Variants in GRID1 observed in about 807,000 individuals in gnomAD.
GRID1 encodes the protein glutamate ionotropic receptor delta type subunit 1.
Under a neutral mutation model 98.0 loss-of-function variants are expected in GRID1, and 28 were observed. That is an observed-to-expected ratio of 0.29 (90% CI 0.21 to 0.39). The LOEUF (loss-of-function observed/expected upper bound fraction) is 0.39, where lower values mean the gene tolerates loss of function less well. GRID1 is among the 10% of genes least tolerant of loss of function. The pLI, the probability that GRID1 is intolerant of heterozygous loss-of-function variation, is 1.00. For synonymous variants in GRID1, 553 were observed against 538.5 expected, an observed-to-expected ratio of 1.03 and a Z score of -0.37; for missense variants, 1,111 against 1,340.5, an observed-to-expected ratio of 0.83 and a Z score of 2.67.
rs572591650 is a variant in GRID1, at chr10:86,212,529, G to A, written c.236-5881C>T. Among the ~76,000 whole-genome samples the A allele has an allele frequency of 2.8e-4, 42 of 152,298 alleles. No homozygotes were observed. The East Asian group carries it at 4.3e-3, about 15-fold the overall frequency. ...AAAGAGCCAGGCTCTGGGCAAACCC[G>A]GGCTCAGCCCTGCCTGCCCAGAAGG... On this transcript the variant is annotated intron_variant, in intron 2 of 15. Coordinates refer to ENST00000327946, the MANE Select transcript of GRID1 (RefSeq NM_017551.3).
intron 3 of GRID1, among the ~76,000 whole-genome samples, chr10:86,144,014 C>T (rs763883231): frequency 9.9e-5 from 15 of 152,186 alleles, no homozygotes; most frequent in Non-Finnish European, 1.9e-4. Flanking sequence ...AGCACCCACC[C>T]GTTCCTTCTT....
intron 4 of GRID1, among the ~76,000 whole-genome samples, chr10:85,921,801 C>T (rs751999181): frequency 2.6e-4 from 40 of 152,226 alleles, no homozygotes; most frequent in Admixed American, 1.3e-3. Context: ...TCCCCTTCCT[C>T]TGTGTCCTTG....
At chr10:85,801,645 G>C (rs910709958) in intron 8 of GRID1, among the ~76,000 whole-genome samples, 1 of 151,546 alleles carries the variant, frequency 6.6e-6, no homozygotes, top group African/African-American at 2.4e-5. Context: ...TGGAAAGAAA[G>C]TGCTTTATTT....
intron 4 of GRID1, among the ~76,000 whole-genome samples, chr10:86,094,509 C>T (rs116326178): frequency 0.014 from 2,087 of 152,292 alleles, 56 homozygotes; most frequent in African/African-American, 0.048. Flanking sequence ...TTTCCAGATA[C>T]AAGACTAATG....
intron 5 of GRID1, among the ~76,000 whole-genome samples, chr10:85,897,391 T>TA (rs1841308016): frequency 6.6e-6 from 1 of 152,108 alleles, no homozygotes; most frequent in Non-Finnish European, 1.5e-5. Flanking sequence ...TGGGGATAGG[T>TA]AAAATGGCCT....
intron 3 of GRID1, among the ~76,000 whole-genome samples, chr10:86,176,786 T>G (rs1385935002): frequency 1.3e-5 from 2 of 151,966 alleles, no homozygotes; most frequent in Admixed American, 1.3e-4. Context: ...ATTGTGCCAG[T>G]CTAGGTAAGA....
intron 8 of GRID1, among the ~76,000 whole-genome samples, chr10:85,764,964 G>T (rs1842183558): frequency 6.6e-6 from 1 of 152,180 alleles, no homozygotes. Context: ...AGAGGACAAA[G>T]CAAGTGGTTA....
chr10:86,117,915 A>G (rs549772723), intron 4 of GRID1, among the ~76,000 whole-genome samples: 6 of 152,252 alleles, frequency 3.9e-5, no homozygotes, highest in Non-Finnish European at 8.8e-5. Context: ...AAGAACTAAA[A>G]GTAGATCTAC....
At chr10:86,123,097 G>A (rs1006270843) in intron 4 of GRID1, among the ~76,000 whole-genome samples, 37 of 152,252 alleles carry the variant, frequency 2.4e-4, no homozygotes, top group Admixed American at 2.4e-3. Flanking sequence ...TTGGTTCCGT[G>A]CAATGCCAGG....
At chr10:85,780,739 G>C (rs1482956162) in intron 8 of GRID1, among the ~76,000 whole-genome samples, 2 of 152,292 alleles carry the variant, frequency 1.3e-5, no homozygotes, top group East Asian at 3.9e-4. Flanking sequence ...TGGGATCCTG[G>C]GTGAGCTACG....
At position 86,122,598 on chromosome 10, in the gene GRID1, A is replaced by G. The variant is rs145241917; in HGVS notation, c.726+16221T>C. On this transcript the variant is annotated intron_variant, in intron 4 of 15. Coordinates refer to ENST00000327946, the MANE Select transcript of GRID1 (RefSeq NM_017551.3). ...TAACTTATACAACTTCCCTTTACCT[A>G]TCTTCCTTTGGAAGCTAAAAGTAGC... 1.6e-3 allele frequency among the ~76,000 whole-genome samples: 240 copies of G among 152,302 alleles called. 1 individual carries two copies. The highest frequency in any genetic ancestry group is 5.6e-3 in the African/African-American group (233 of 41,574).
chr10:86,363,922 G>A lies in GRID1; in HGVS notation c.235+19C>T. On this transcript the variant is annotated intron_variant, in intron 2 of 15. Transcript: ENST00000327946. ...CGCAGGCCGTGTCCCAGTGGGCCCTGGGCACAGCGGTCACTCACCTTCCTG... is the reference window on the plus strand; with the variant it reads ...CGCAGGCCGTGTCCCAGTGGGCCCTAGGCACAGCGGTCACTCACCTTCCTG... 1.2e-6 allele frequency: 2 copies of A among 1,610,130 alleles called. No homozygotes were observed. The highest frequency in any genetic ancestry group is 1.7e-6 in the Non-Finnish European group (2 of 1,177,292).
In GRID1 at chr10:85,602,505, T is replaced by G; in HGVS notation, c.2798A>C (p.Glu933Ala). 6.2e-7 allele frequency: 1 copy of G among 1,614,032 alleles called. No homozygotes were observed. The highest frequency in any genetic ancestry group is 8.5e-7 in the Non-Finnish European group (1 of 1,180,004). Residue 933 changes from glutamate (E) to alanine (A), a missense_variant, in exon 16 of 16, where the codon GAG (glutamate) becomes GCG (alanine). By Grantham distance (107) the Glu-to-Ala change is moderately radical. Coordinates refer to ENST00000327946, the MANE Select transcript of GRID1 (RefSeq NM_017551.3). The stretch of plus-strand genomic sequence containing the variant: ...CCGGCTGGTGCCATGGCTGCTCTGC[T>G]CTGGCAGAAAGGTGCTGACCGAGAG... Reference protein sequence around the residue: ...TQLSVSTFLPEQSSHGTSRTL... With the variant: ...TQLSVSTFLPAQSSHGTSRTL...
At chr10:86,136,506 G>T (rs1363774780) in intron 4 of GRID1, among the ~76,000 whole-genome samples, 1 of 152,186 alleles carries the variant, frequency 6.6e-6, no homozygotes, top group Non-Finnish European at 1.5e-5. Flanking sequence ...TGCCTAAGTG[G>T]CTATTTGTGT....
chr10:85,613,047 C>T (rs1842751206), intron 15 of GRID1: 1 of 221,808 alleles, frequency 4.5e-6, no homozygotes, highest in Non-Finnish European at 8.8e-6. Flanking sequence ...GAATGGGCTC[C>T]TCTCTTACCC....
At chr10:85,768,193 G>A (rs1452663206) in intron 8 of GRID1, among the ~76,000 whole-genome samples, 1 of 152,174 alleles carries the variant, frequency 6.6e-6, no homozygotes, top group Non-Finnish European at 1.5e-5. Context: ...TCAATAAATG[G>A]TGTTGGAATA....
chr10:85,999,533 C>A (rs1451491631), intron 4 of GRID1, among the ~76,000 whole-genome samples: 1 of 152,006 alleles, frequency 6.6e-6, no homozygotes, highest in East Asian at 1.9e-4. Flanking sequence ...GATGAATATC[C>A]CTCATGAACA....
At chr10:85,738,521 G>A (rs574822576) in intron 8 of GRID1, among the ~76,000 whole-genome samples, 4 of 152,286 alleles carry the variant, frequency 2.6e-5, no homozygotes, top group East Asian at 1.9e-4. Context: ...GATGTAAACC[G>A]TGTCCATACA....
chr10:85,967,833 G>T (rs573141884), intron 4 of GRID1, among the ~76,000 whole-genome samples: 32 of 152,280 alleles, frequency 2.1e-4, no homozygotes, highest in African/African-American at 7.7e-4. Context: ...TCTCAGCAGA[G>T]ACCATGGTGG....
Sources: gnomAD v4.1 joint callset for allele counts (sites outside exome capture counted in the v4.1 genomes callset) on GRCh38, gnomAD v4.1.1 for gene constraint, MANE v1.5 for transcripts, NCBI Gene and HGNC (gene_info 2026-07-23, HGNC 2026-07-21) for gene names.